The following DDX60L variants were observed in gnomAD, a reference collection of about 807,000 sequenced individuals.
DDX60L encodes probable ATP-dependent RNA helicase DDX60-like.
Under a neutral mutation model 211.6 loss-of-function variants are expected in DDX60L, and 191 were observed. The ratio of observed to expected loss-of-function variants is 0.90; its 90% CI spans 0.80 to 1.02. The LOEUF (loss-of-function observed/expected upper bound fraction) is 1.02, where lower values mean the gene tolerates loss of function less well. DDX60L is among the 50% of genes least tolerant of loss of function. DDX60L has a pLI of 0.00. For missense variants in DDX60L, 2,007 were observed against 1,984.1 expected (o/e 1.01, Z -0.22); for synonymous variants, 706 against 694.1 (o/e 1.02, Z -0.27).
intron 28 of DDX60L, among the ~76,000 whole-genome samples, chr4:168,393,151 A>C (rs1310887861): frequency 6.6e-6 from 1 of 152,190 alleles, no homozygotes; most frequent in Non-Finnish European, 1.5e-5. Context: ...TTTTATAAAC[A>C]GCAAGAAACA....
Position 168,396,078 on chromosome 4 carries a change from C to A in DDX60L, c.3538G>T (p.Val1180Leu), listed in dbSNP as rs764359118. 2.1e-5 allele frequency: 33 copies of A among 1,565,184 alleles called. 1 individual carries two copies. The South Asian group carries it at 2.4e-4, about 12-fold the overall frequency. ...AAATTAATATATTCAGCTCTATACA[C>A]TTTTTTTCTTTCCAGTTTTTCAGCC... is the stretch of plus-strand genomic sequence containing the variant. ...KKAEKLERKK[V>L]YRAEYINFLE... The change falls in exon 27 of 38, where the codon GTG (valine) becomes TTG (leucine). Residue 1180 changes from valine (V) to leucine (L), a missense_variant. Physicochemically the swap from Val to Leu is conservative, Grantham distance 32 (BLOSUM62 1). Transcript: ENST00000682922.
chr4:168,393,922 C>T (rs1745298804), intron 28 of DDX60L, among the ~76,000 whole-genome samples: 1 of 152,040 alleles, frequency 6.6e-6, no homozygotes, highest in Admixed American at 6.6e-5. Context: ...TGACCAGGCA[C>T]AGTGGCTCAC....
Position 168,375,514 on chromosome 4 carries a change from G to A in DDX60L, c.4496C>T (p.Ala1499Val). Residue 1499 changes from alanine to valine, a missense_variant, in exon 34 of 38, where the codon GCC becomes GTC. Coordinates refer to ENST00000682922, the MANE Select transcript of DDX60L (RefSeq NM_001012967.3). ...LSFSQSKVIL[A>V]ELPEDFKAAL... ...AGCTTTAAAATCCTCCGGGAGTTCGGCAAGGATCACCTATGGGCGAAATAC... is the reference window on the plus strand; with the variant it reads ...AGCTTTAAAATCCTCCGGGAGTTCGACAAGGATCACCTATGGGCGAAATAC... 1 of 1,608,634 alleles carries A rather than the reference G, an allele frequency of 6.2e-7. No homozygotes were observed. The highest frequency in any genetic ancestry group is 8.5e-7 in the Non-Finnish European group (1 of 1,177,850).
intron 22 of DDX60L, among the ~76,000 whole-genome samples, chr4:168,411,600 G>A (rs1046964580): frequency 2.6e-5 from 4 of 152,152 alleles, no homozygotes; most frequent in Non-Finnish European, 5.9e-5. Flanking sequence ...TTCTGAAACT[G>A]GCAAGCTCGT....
Position 168,448,631 on chromosome 4 carries a change from G to A in DDX60L, c.1138+7C>T, listed in dbSNP as rs1291789791. On this transcript the variant is annotated splice_region_variant and intron_variant, in intron 9 of 37. Coordinates refer to ENST00000682922, the MANE Select transcript of DDX60L (RefSeq NM_001012967.3). ...TGATATAATGTTAATGCATATTCAG[G>A]TACTACCTTGAGTACTTTCAAATTC... 2 of 1,518,310 alleles carry A rather than the reference G, an allele frequency of 1.3e-6. No individual in the cohort carries two copies. 94.1% of individuals were successfully genotyped at this position (1,518,310 alleles called of 1,614,324 possible). A position where few individuals can be genotyped will look rare whatever the true frequency, so the allele number is the denominator to read the frequency against.
At chr4:168,469,756 T>C (rs1758490173) in intron 4 of DDX60L, 1 of 152,102 alleles carries the variant, frequency 6.6e-6, no homozygotes, top group Non-Finnish European at 1.5e-5. Context: ...TGCATGCCTG[T>C]AGTTCCAAGT....
At chr4:168,409,079 C>T (rs567311122) in intron 22 of DDX60L, among the ~76,000 whole-genome samples, 5 of 152,264 alleles carry the variant, frequency 3.3e-5, no homozygotes, top group East Asian at 1.9e-4. Flanking sequence ...CTTAGGAGCA[C>T]GAAGAAAGGT....
intron 4 of DDX60L, among the ~76,000 whole-genome samples, chr4:168,463,055 A>G (rs1757530066): frequency 6.6e-6 from 1 of 152,236 alleles, no homozygotes; most frequent in African/African-American, 2.4e-5. Context: ...GTGGGAGTGT[A>G]AATTAGTTTG....
intron 13 of DDX60L, among the ~76,000 whole-genome samples, chr4:168,429,723 C>A (rs537120939): frequency 6.6e-6 from 1 of 152,272 alleles, no homozygotes; most frequent in South Asian, 2.1e-4. Flanking sequence ...GTGACTGCAT[C>A]ATGGGGAGGG....
intron 36 of DDX60L, among the ~76,000 whole-genome samples, chr4:168,364,494 C>T (rs183582893): frequency 2.7e-4 from 41 of 152,078 alleles, no homozygotes; most frequent in African/African-American, 4.1e-4. Flanking sequence ...GTCATCCAGG[C>T]GAAAAAATAA....
At chr4:168,454,668 A>C (rs1756257981) in intron 7 of DDX60L, among the ~76,000 whole-genome samples, 2 of 152,020 alleles carry the variant, frequency 1.3e-5, no homozygotes, top group Admixed American at 1.3e-4. Flanking sequence ...ATTCAAACTA[A>C]GGAAAGAATC....
At chr4:168,462,364 T>C (rs1027122) in intron 4 of DDX60L, among the ~76,000 whole-genome samples, 45,894 of 152,084 alleles carry the variant, frequency 0.3, 7,511 homozygotes, top group African/African-American at 0.43. Flanking sequence ...GAATCACTAT[T>C]AGTAGATAAA....
intron 36 of DDX60L, among the ~76,000 whole-genome samples, chr4:168,364,769 T>C (rs1461641504): frequency 6.6e-6 from 1 of 152,226 alleles, no homozygotes; most frequent in Admixed American, 6.5e-5. Flanking sequence ...ATAGATCATA[T>C]GTTTGATCAC....
At chr4:168,440,494 T>A (rs1388445448) in intron 10 of DDX60L, among the ~76,000 whole-genome samples, 2 of 151,704 alleles carry the variant, frequency 1.3e-5, no homozygotes, top group South Asian at 2.1e-4. Flanking sequence ...AGCCAGCAAG[T>A]ACCCCCTCCT....
chr4:168,462,281 ACTAT>A (rs566578415), intron 4 of DDX60L, among the ~76,000 whole-genome samples: 2 of 152,204 alleles, frequency 1.3e-5, no homozygotes, highest in Non-Finnish European at 2.9e-5. Flanking sequence ...TAATTCTTTT[ACTAT>A]CTATGTTCAA....
At chr4:168,464,858 T>C (rs1029958762) in intron 4 of DDX60L, among the ~76,000 whole-genome samples, 1 of 152,148 alleles carries the variant, frequency 6.6e-6, no homozygotes, top group South Asian at 2.1e-4. Context: ...TAGTATTATA[T>C]AGTGTATATA....
At chr4:168,402,124 CT>C (rs60345965) in intron 25 of DDX60L, among the ~76,000 whole-genome samples, 14,095 of 108,292 alleles carry the variant, frequency 0.13, 295 homozygotes, top group African/African-American at 0.16. Flanking sequence ...ACTTCAGAGG[CT>C]TTTTTTTTTT....
chr4:168,458,921 A>T (rs775847040), intron 5 of DDX60L, among the ~76,000 whole-genome samples: 1 of 152,212 alleles, frequency 6.6e-6, no homozygotes, highest in Non-Finnish European at 1.5e-5. Flanking sequence ...AGCTCTGATA[A>T]ACATGCATAT....
intron 23 of DDX60L, among the ~76,000 whole-genome samples, chr4:168,406,317 A>G (rs1747738558): frequency 6.6e-6 from 1 of 152,230 alleles, no homozygotes; most frequent in Non-Finnish European, 1.5e-5. Flanking sequence ...AAACCAACAG[A>G]GAAGAGAATA....
Sources: gnomAD v4.1 joint callset for allele counts (sites outside exome capture counted in the v4.1 genomes callset) on GRCh38, gnomAD v4.1.1 for gene constraint, MANE v1.5 for transcripts, NCBI Gene and HGNC (gene_info 2026-07-23, HGNC 2026-07-21) for gene names.